The following MTUS2 variants were observed in gnomAD, a reference collection of about 807,000 sequenced individuals.
The protein encoded by MTUS2 is microtubule-associated tumor suppressor candidate 2.
Under a neutral mutation model 114.1 loss-of-function variants are expected in MTUS2, and 40 were observed. The observed-to-expected ratio is 0.35, with a 90% CI of 0.27 to 0.46. The LOEUF is 0.46. Among genes scored for constraint, MTUS2 ranks in the 20% least tolerant of loss-of-function variants. The pLI, the probability that MTUS2 is intolerant of heterozygous loss-of-function variation, is 1.00. For missense variants in MTUS2, 1,679 were observed against 1,705.4 expected (o/e 0.98, Z 0.27); for synonymous variants, 688 against 672.0 (o/e 1.02, Z -0.37).
chr13:28,822,733 C>T (rs1272843352), intron 1 of MTUS2, among the ~76,000 whole-genome samples: 2 of 151,912 alleles, frequency 1.3e-5, no homozygotes, highest in South Asian at 4.2e-4. Context: ...TCTATATTCC[C>T]ACCCCCCAAT....
intron 2 of MTUS2, among the ~76,000 whole-genome samples, chr13:28,995,976 C>G (rs973174624): frequency 1.3e-5 from 2 of 152,090 alleles, no homozygotes; most frequent in African/African-American, 2.4e-5. Flanking sequence ...TCTTTTGCCA[C>G]TTTTCAAAGG....
chr13:29,399,709 GA>G, intron 8 of MTUS2, among the ~76,000 whole-genome samples: 1 of 151,814 alleles, frequency 6.6e-6, no homozygotes, highest in Non-Finnish European at 1.5e-5. Flanking sequence ...GAAAGTTCCA[GA>G]AAAAAAGAAC....
At chr13:29,428,397 A>T (rs1018929596) in intron 8 of MTUS2, among the ~76,000 whole-genome samples, 12 of 152,252 alleles carry the variant, frequency 7.9e-5, no homozygotes, top group African/African-American at 2.9e-4. Context: ...CGTCCGCTCC[A>T]GGCGTGTCTG....
chr13:29,335,274 C>T (rs1188355427), intron 7 of MTUS2, among the ~76,000 whole-genome samples: 2 of 152,138 alleles, frequency 1.3e-5, no homozygotes, highest in African/African-American at 4.8e-5. Flanking sequence ...CCCGGTCTCC[C>T]ATAGTGCTCC....
chr13:29,261,693 A>G (rs1897478211), intron 5 of MTUS2, among the ~76,000 whole-genome samples: 1 of 152,224 alleles, frequency 6.6e-6, no homozygotes. Flanking sequence ...AATTGGGTTC[A>G]CATCAGATGG....
chr13:29,337,203 ACTC>A (rs1901110418), intron 7 of MTUS2, among the ~76,000 whole-genome samples: 1 of 137,560 alleles, frequency 7.3e-6, no homozygotes, highest in African/African-American at 2.7e-5. Flanking sequence ...AAAAAAAAAA[ACTC>A]CTGCAACTAG....
intron 7 of MTUS2, among the ~76,000 whole-genome samples, chr13:29,355,601 T>G (rs1666069521): frequency 6.6e-6 from 1 of 152,246 alleles, no homozygotes; most frequent in Admixed American, 6.5e-5. Flanking sequence ...ACTGGCTGTA[T>G]TTCTTATCAT....
chr13:29,179,139 GAGT>G (rs1893894766), intron 5 of MTUS2, among the ~76,000 whole-genome samples: 3 of 151,750 alleles, frequency 2.0e-5, no homozygotes, highest in Admixed American at 6.5e-5. Context: ...TCAGAATATA[GAGT>G]AATAGATGGA....
At chr13:29,079,003 T>C (rs1465553834) in intron 4 of MTUS2, among the ~76,000 whole-genome samples, 1 of 152,218 alleles carries the variant, frequency 6.6e-6, no homozygotes, top group East Asian at 1.9e-4. Context: ...CAGGCTGTTT[T>C]CCAAAGTGGC....
chr13:29,153,104 A>G (rs1203184077), intron 5 of MTUS2, among the ~76,000 whole-genome samples: 1 of 152,198 alleles, frequency 6.6e-6, no homozygotes, highest in Non-Finnish European at 1.5e-5. Context: ...GATGAACTCC[A>G]TGATGCCTTC....
At chr13:29,279,247 A>T (rs1185480748) in intron 5 of MTUS2, among the ~76,000 whole-genome samples, 1 of 152,172 alleles carries the variant, frequency 6.6e-6, no homozygotes, top group Non-Finnish European at 1.5e-5. Flanking sequence ...TTGCTCCCAG[A>T]TCTGCACCAT....
In MTUS2 at chr13:29,503,611, T is replaced by G. The variant is rs1883058015; in HGVS notation, c.*405T>G. 1 of 259,430 alleles carries G rather than the reference T, an allele frequency of 3.9e-6. No individual in the cohort carries two copies. The highest frequency in any genetic ancestry group is 7.5e-6 in the Non-Finnish European group (1 of 133,644). The allele number at this position is 259,430 out of a possible 1,614,324, so 16.1% of individuals were successfully genotyped here. Reference sequence around the variant, plus strand: ...ATGCTGCGGTTCTGAATTTCATTTTTTATAACATGAAGTGCTGACATATTT... The same window carrying G: ...ATGCTGCGGTTCTGAATTTCATTTTGTATAACATGAAGTGCTGACATATTT... On this transcript the variant is annotated 3_prime_UTR_variant, in exon 16 of 16. Coordinates refer to ENST00000612955, the MANE Select transcript of MTUS2 (RefSeq NM_001033602.4).
intron 2 of MTUS2, among the ~76,000 whole-genome samples, chr13:28,955,610 G>A (rs1462922424): frequency 6.6e-6 from 1 of 152,182 alleles, no homozygotes; most frequent in Non-Finnish European, 1.5e-5. Context: ...TTTCACTGCT[G>A]AAATGAAAGC....
chr13:28,921,755 CTGTGTGTGT>C (rs974483958), intron 2 of MTUS2, among the ~76,000 whole-genome samples: 1 of 152,128 alleles, frequency 6.6e-6, no homozygotes, highest in African/African-American at 2.4e-5. Flanking sequence ...CAAATGCTCC[CTGTGTGTGT>C]GGGTGCTAGC....
At chr13:29,034,863 G>A (rs1225272751) in intron 4 of MTUS2, among the ~76,000 whole-genome samples, 1 of 152,186 alleles carries the variant, frequency 6.6e-6, no homozygotes, top group Non-Finnish European at 1.5e-5. Flanking sequence ...TCATCAGGAT[G>A]TTATAAATTT....
chr13:29,430,871 T>G (rs1467896660), intron 8 of MTUS2, among the ~76,000 whole-genome samples: 1 of 152,194 alleles, frequency 6.6e-6, no homozygotes, highest in African/African-American at 2.4e-5. Context: ...TTCTTCAATC[T>G]GTTAATCAAC....
intron 4 of MTUS2, among the ~76,000 whole-genome samples, chr13:29,078,452 G>A (rs190880693): frequency 7.3e-4 from 111 of 152,288 alleles, no homozygotes; most frequent in African/African-American, 2.6e-3. Flanking sequence ...CTATTCCTGA[G>A]CTGAAGAACT....
At chr13:29,014,873 G>A (rs1288706037) in intron 2 of MTUS2, among the ~76,000 whole-genome samples, 1 of 152,234 alleles carries the variant, frequency 6.6e-6, no homozygotes, top group Admixed American at 6.5e-5. Context: ...AGAGAAGCAA[G>A]AGCAAAGTCC....
chr13:29,300,204 A>G (rs1387035238), intron 6 of MTUS2, among the ~76,000 whole-genome samples: 1 of 152,228 alleles, frequency 6.6e-6, no homozygotes, highest in African/African-American at 2.4e-5. Context: ...ATAGTGCCAG[A>G]AGAGAATTTA....
Sources: allele counts gnomAD v4.1 joint callset (sites outside exome capture counted in the v4.1 genomes callset), GRCh38; gene constraint gnomAD v4.1.1; transcripts MANE v1.5; gene names NCBI Gene and HGNC (gene_info 2026-07-23, HGNC 2026-07-21).